SGCZ: variants seen among roughly 807,000 people sequenced by gnomAD.
SGCZ encodes zeta-sarcoglycan.
SGCZ carries 40 observed loss-of-function variants against 41.3 expected under a neutral mutation model. The observed-to-expected ratio is 0.97, with a 90% CI of 0.75 to 1.26. SGCZ has a LOEUF of 1.26. SGCZ is among the 50% of genes most tolerant of loss of function. SGCZ has a pLI of 0.00. For missense variants in SGCZ, 552 were observed against 369.8 expected (o/e 1.49, Z -4.04); for synonymous variants, 206 against 137.5 (o/e 1.50, Z -3.49).
intron 4 of SGCZ, among the ~76,000 whole-genome samples, chr8:14,208,382 G>C (rs1307756937): frequency 6.6e-6 from 1 of 152,182 alleles, no homozygotes; most frequent in African/African-American, 2.4e-5. Flanking sequence ...TTTGGATTCT[G>C]TGTCAAGGTA....
Position 14,253,548 on chromosome 8 carries a change from C to G in SGCZ, c.337-15869G>C, listed in dbSNP as rs192590447. ...ACAGAAAATCACTTTTTCTTCAAATCAGAAATAATAATATTATATCTGTAT... is the reference window on the plus strand; with the variant it reads ...ACAGAAAATCACTTTTTCTTCAAATGAGAAATAATAATATTATATCTGTAT... On this transcript the variant is annotated intron_variant, in intron 3 of 7. Coordinates refer to ENST00000382080, the MANE Select transcript of SGCZ (RefSeq NM_139167.4). 1.7e-3 allele frequency among the ~76,000 whole-genome samples: 263 copies of G among 152,008 alleles called. 1 individual carries two copies. Among genetic ancestry groups the G allele is most frequent in the African/African-American group, 6.2e-3 (257 of 41,488 alleles).
At chr8:14,880,450 T>C (rs547698972) in intron 1 of SGCZ, among the ~76,000 whole-genome samples, 23 of 152,270 alleles carry the variant, frequency 1.5e-4, no homozygotes, top group African/African-American at 5.5e-4. Flanking sequence ...ATCCCATTAC[T>C]GGGTATATAC....
rs961370926 is a variant in SGCZ at position 14,890,989 on chromosome 8, T to G, written c.40-336063A>C. ...TTACTGAATAGTTTAAGCCCTCTAT[T>G]GAGACCTATTCCTGAGAAAAACAAG... On this transcript the variant is annotated intron_variant, in intron 1 of 7. Transcript: ENST00000382080. Among the ~76,000 whole-genome samples the G allele has an allele frequency of 3.9e-5, 6 of 152,322 alleles. No individual in the cohort carries two copies. The South Asian group carries it at 1.2e-3, about 32-fold the overall frequency.
chr8:14,624,478 A>AT (rs1050818137), intron 1 of SGCZ, among the ~76,000 whole-genome samples: 2 of 150,826 alleles, frequency 1.3e-5, no homozygotes, highest in African/African-American at 4.9e-5. Flanking sequence ...AAGCGCAATA[A>AT]TTTTTTCTAT....
At chr8:14,479,035 G>A (rs1209138089) in intron 2 of SGCZ, among the ~76,000 whole-genome samples, 2 of 152,184 alleles carry the variant, frequency 1.3e-5, no homozygotes, top group African/African-American at 2.4e-5. Context: ...TCTCCAGCGG[G>A]ACAGGATTAA....
intron 1 of SGCZ, among the ~76,000 whole-genome samples, chr8:14,628,865 G>C (rs115125110): frequency 1.3e-5 from 2 of 152,040 alleles, no homozygotes; most frequent in South Asian, 4.2e-4. Context: ...CTTTTGGTGT[G>C]GTTCTCATAA....
At chr8:14,361,476 A>C (rs1417889534) in intron 2 of SGCZ, among the ~76,000 whole-genome samples, 1 of 152,126 alleles carries the variant, frequency 6.6e-6, no homozygotes, top group Non-Finnish European at 1.5e-5. Flanking sequence ...CGAATCTGCT[A>C]TTGAAGCTTG....
intron 4 of SGCZ, among the ~76,000 whole-genome samples, chr8:14,223,684 A>G (rs1278010010): frequency 1.3e-5 from 2 of 152,170 alleles, no homozygotes; most frequent in East Asian, 3.9e-4. Flanking sequence ...ATTCTCATGA[A>G]TGCCATGACC....
intron 1 of SGCZ, among the ~76,000 whole-genome samples, chr8:14,721,118 C>G (rs1031358745): frequency 2.6e-5 from 4 of 152,120 alleles, no homozygotes; most frequent in African/African-American, 4.8e-5. Flanking sequence ...ATTATATTTT[C>G]TAGTTGCCTT....
intron 1 of SGCZ, among the ~76,000 whole-genome samples, chr8:15,085,435 C>A (rs1467543690): frequency 6.6e-6 from 1 of 151,992 alleles, no homozygotes; most frequent in Non-Finnish European, 1.5e-5. Context: ...ATCAGGAAAA[C>A]AAAACAAAAA....
In SGCZ at chr8:14,307,980, A is replaced by G. The variant is rs371452920; in HGVS notation, c.336+16123T>C. 2.0e-5 allele frequency among the ~76,000 whole-genome samples: 3 copies of G among 152,138 alleles called. No individual in the cohort carries two copies. The East Asian group carries it at 5.8e-4, about 29-fold the overall frequency. ...TTTAGGGGGTGAAGACATTAAGCAA[A>G]TGACAGAGATCTGTATTTGGGTGGA... On this transcript the variant is annotated intron_variant, in intron 3 of 7. Transcript: ENST00000382080.
intron 2 of SGCZ, among the ~76,000 whole-genome samples, chr8:14,414,774 G>C (rs1240578896): frequency 6.6e-6 from 1 of 151,858 alleles, no homozygotes; most frequent in Admixed American, 6.6e-5. Context: ...AGGACATGAA[G>C]AGACAGGTAA....
intron 5 of SGCZ, among the ~76,000 whole-genome samples, chr8:14,133,185 G>A (rs1029690353): frequency 1.3e-5 from 2 of 152,168 alleles, no homozygotes; most frequent in Non-Finnish European, 2.9e-5. Context: ...CATGTATCTT[G>A]CCCTAAGCAT....
intron 5 of SGCZ, among the ~76,000 whole-genome samples, chr8:14,152,443 C>T (rs1002094192): frequency 2.0e-5 from 3 of 152,090 alleles, no homozygotes; most frequent in Non-Finnish European, 2.9e-5. Context: ...CTGGGAGGAT[C>T]GCTTGAGCCC....
intron 1 of SGCZ, among the ~76,000 whole-genome samples, chr8:15,217,569 T>C (rs1412704216): frequency 6.6e-6 from 1 of 151,988 alleles, no homozygotes; most frequent in Admixed American, 6.6e-5. Context: ...ATAACCAAGA[T>C]TCTTGCCCCC....
chr8:14,482,698 A>G (rs796925497), intron 2 of SGCZ, among the ~76,000 whole-genome samples: 17 of 152,174 alleles, frequency 1.1e-4, no homozygotes, highest in South Asian at 4.1e-4. Flanking sequence ...GCCCTCCCCA[A>G]TGAGGGTGGG....
At chr8:14,403,211 G>T (rs1305727583) in intron 2 of SGCZ, among the ~76,000 whole-genome samples, 2 of 150,106 alleles carry the variant, frequency 1.3e-5, no homozygotes, top group Non-Finnish European at 2.9e-5. Flanking sequence ...GGGTTTTCTA[G>T]ATATACAATC....
chr8:14,517,808 A>G (rs895700180), intron 2 of SGCZ, among the ~76,000 whole-genome samples: 1 of 151,820 alleles, frequency 6.6e-6, no homozygotes, highest in African/African-American at 2.4e-5. Flanking sequence ...TTGAAAAGTC[A>G]TGATTTCCAT....
At chr8:14,645,331 A>T (rs1807171805) in intron 1 of SGCZ, among the ~76,000 whole-genome samples, 1 of 150,958 alleles carries the variant, frequency 6.6e-6, no homozygotes, top group Non-Finnish European at 1.5e-5. Context: ...TTAAATTTTT[A>T]CCATTATTAT....
Sources: gnomAD v4.1 joint callset for allele counts (sites outside exome capture counted in the v4.1 genomes callset) on GRCh38, gnomAD v4.1.1 for gene constraint, MANE v1.5 for transcripts, NCBI Gene and HGNC (gene_info 2026-07-23, HGNC 2026-07-21) for gene names.